The following CUX2 variants were observed in gnomAD, a reference collection of about 807,000 sequenced individuals.
The protein encoded by CUX2 is cut like homeobox 2.
CUX2 carries 40 observed loss-of-function variants against 144.8 expected under a neutral mutation model. That is an observed-to-expected ratio of 0.28 (90% CI 0.21 to 0.36). The LOEUF (loss-of-function observed/expected upper bound fraction) is 0.36, where lower values mean the gene tolerates loss of function less well. Ranked by LOEUF, CUX2 falls within the 10% of genes least tolerant of loss-of-function variation. The pLI is 1.00. For missense variants in CUX2, 1,615 were observed against 1,994.0 expected, an observed-to-expected ratio of 0.81 and a Z score of 3.62; for synonymous variants, 827 against 875.6, an observed-to-expected ratio of 0.94 and a Z score of 0.98.
chr12:111,216,947 C>G (rs746972830), intron 2 of CUX2, among the ~76,000 whole-genome samples: 3 of 152,224 alleles, frequency 2.0e-5, no homozygotes, highest in Non-Finnish European at 4.4e-5. Flanking sequence ...CCCACCCTAT[C>G]TAGTCCCTCA....
intron 18 of CUX2, among the ~76,000 whole-genome samples, chr12:111,333,711 GT>G (rs377525439): frequency 0.011 from 1,621 of 152,212 alleles, 26 homozygotes; most frequent in African/African-American, 0.037. Flanking sequence ...TGGATCATTG[GT>G]TAAGATGGTA....
rs1362304689 is a variant in CUX2, at chr12:111,342,055, TG to T, written c.3659+5del. 1 of 1,609,354 alleles carries T rather than the reference TG, an allele frequency of 6.2e-7. No homozygotes were observed. The highest frequency in any genetic ancestry group is 1.7e-5 in the Admixed American group (1 of 59,684). The stretch of plus-strand genomic sequence containing the variant: ...CATCAACTGGTTCCACAACTACAGG[TG>T]GGACTATGGGGGCGTACCCACAGGC... On this transcript the variant is annotated splice_donor_region_variant and intron_variant, in intron 21 of 21. Coordinates refer to ENST00000261726, the MANE Select transcript of CUX2 (RefSeq NM_015267.4).
intron 3 of CUX2, among the ~76,000 whole-genome samples, chr12:111,254,424 CAGAATCT>C (rs1460697491): frequency 6.6e-6 from 1 of 152,198 alleles, no homozygotes; most frequent in Non-Finnish European, 1.5e-5. Flanking sequence ...GCATAGAGGG[CAGAATCT>C]GGAAGCTGGA....
In CUX2 at chr12:111,307,195, C is replaced by T. The variant is rs1433313127; in HGVS notation, c.1051-4C>T. ...AGCCTCACCATCTTTCTTTGCTCTT[C>T]TAGAAGCTGGAAGAGAAGCTCCAGG... is the stretch of plus-strand genomic sequence containing the variant. On this transcript the variant is annotated splice_region_variant and splice_polypyrimidine_tract_variant and intron_variant, in intron 11 of 21. Coordinates refer to ENST00000261726, the MANE Select transcript of CUX2 (RefSeq NM_015267.4). This position sits in a 1 kb window ranked among gnomAD's most constrained non-coding sequence, Gnocchi z 4.1. 1 of 1,614,158 alleles carries T rather than the reference C, an allele frequency of 6.2e-7. No homozygotes were observed. The highest frequency in any genetic ancestry group is 1.7e-5 in the Admixed American group (1 of 60,030).
chr12:111,212,767 T>G (rs1056234321), intron 1 of CUX2, among the ~76,000 whole-genome samples: 1 of 152,222 alleles, frequency 6.6e-6, no homozygotes, highest in Non-Finnish European at 1.5e-5. Flanking sequence ...TACAAAGAAA[T>G]CCATAGGTCA....
chr12:111,070,527 C>G (rs1871218777), intron 1 of CUX2, among the ~76,000 whole-genome samples: 1 of 151,760 alleles, frequency 6.6e-6, no homozygotes, highest in Non-Finnish European at 1.5e-5. Flanking sequence ...CCTCTCTGCC[C>G]CAATATGTGC....
At chr12:111,062,669 T>G (rs1870832446) in intron 1 of CUX2, among the ~76,000 whole-genome samples, 1 of 152,140 alleles carries the variant, frequency 6.6e-6, no homozygotes, top group South Asian at 2.1e-4. Flanking sequence ...ATTAATCAAA[T>G]AATCACATAT....
chr12:111,189,502 A>T (rs1267362649), intron 1 of CUX2, among the ~76,000 whole-genome samples: 3 of 152,168 alleles, frequency 2.0e-5, no homozygotes, highest in Middle Eastern at 6.4e-3. Flanking sequence ...AGATTTATCA[A>T]TATTGTTTGT....
chr12:111,083,212 G>A (rs1022757214), intron 1 of CUX2, among the ~76,000 whole-genome samples: 11 of 152,096 alleles, frequency 7.2e-5, no homozygotes, highest in Admixed American at 4.6e-4. Context: ...GATGAGCAGG[G>A]TGACCAGCCA....
intron 3 of CUX2, among the ~76,000 whole-genome samples, chr12:111,250,184 A>T (rs1202604288): frequency 6.6e-6 from 1 of 152,190 alleles, no homozygotes; most frequent in East Asian, 1.9e-4. Context: ...AGGTGACAGA[A>T]GGGACATTTT....
intron 1 of CUX2, among the ~76,000 whole-genome samples, chr12:111,164,069 C>T (rs1877962258): frequency 6.6e-6 from 1 of 152,136 alleles, no homozygotes. Flanking sequence ...ATCTCTATAG[C>T]ACTTAGAACA....
intron 1 of CUX2, among the ~76,000 whole-genome samples, chr12:111,213,386 G>A (rs1484708212): frequency 6.6e-6 from 1 of 152,136 alleles, no homozygotes; most frequent in Non-Finnish European, 1.5e-5. Flanking sequence ...ATACATGCAC[G>A]ACCAGCAGAC....
In CUX2 at chr12:111,322,346, G is replaced by A. The variant is rs1887578083; in HGVS notation, c.2767-75G>A. The A allele has an allele frequency of 1.8e-6, 2 of 1,090,326 alleles. No homozygotes were observed. The highest frequency in any genetic ancestry group is 3.1e-5 in the Admixed American group (1 of 32,168). The allele number at this position is 1,090,326 out of a possible 1,614,324, so 67.5% of individuals were successfully genotyped here. A position where few individuals can be genotyped will look rare whatever the true frequency, so the allele number is the denominator to read the frequency against. On this transcript the variant is annotated intron_variant, in intron 17 of 21. Coordinates refer to ENST00000261726, the MANE Select transcript of CUX2 (RefSeq NM_015267.4). This position sits in a 1 kb window ranked among gnomAD's most constrained non-coding sequence, Gnocchi z 4.2. ...CAAAAAAAAAAAAAAAAAAAAAAAG[G>A]TTGGGGAGGAGAGTGAGGGCCAGGC... is the stretch of plus-strand genomic sequence containing the variant.
chr12:111,190,308 C>T lies in CUX2; in HGVS notation c.64-23892C>T, dbSNP rs1879798801. ...TCTTTTTAATGCAACAATTACTGCT[C>T]AGGACTCGGGAGTAGGGTGCAGAGG... On this transcript the variant is annotated intron_variant, in intron 1 of 21. Coordinates refer to ENST00000261726, the MANE Select transcript of CUX2 (RefSeq NM_015267.4). The surrounding 1 kb of genome is among the most constrained non-coding windows in gnomAD (Gnocchi z 4.0). 6.6e-6 allele frequency among the ~76,000 whole-genome samples: 1 copy of T among 152,182 alleles called. No homozygotes were observed. Among genetic ancestry groups the T allele is most frequent in the Admixed American group, 6.5e-5 (1 of 15,278 alleles).
At chr12:111,115,346 C>T (rs562481635) in intron 1 of CUX2, among the ~76,000 whole-genome samples, 7 of 130,458 alleles carry the variant, frequency 5.4e-5, no homozygotes, top group Admixed American at 9.6e-5. Flanking sequence ...AGTGCAGTGG[C>T]GTGATCTTGG....
rs545995038 is a variant in CUX2, at chr12:111,251,492, C to T, written c.223-12269C>T. 9.0e-4 allele frequency among the ~76,000 whole-genome samples: 137 copies of T among 152,246 alleles called. 1 individual carries two copies. The highest frequency in any genetic ancestry group is 3.1e-3 in the African/African-American group (130 of 41,538). Reference sequence around the variant, plus strand: ...ACACTGTTGCTAATAGCAGGCCTGCCAGCCATTGCTTGTGGGACATTTCAT... The same window carrying T: ...ACACTGTTGCTAATAGCAGGCCTGCTAGCCATTGCTTGTGGGACATTTCAT... On this transcript the variant is annotated intron_variant, in intron 3 of 21. Coordinates refer to ENST00000261726, the MANE Select transcript of CUX2 (RefSeq NM_015267.4).
chr12:111,220,932 T>G, intron 3 of CUX2, among the ~76,000 whole-genome samples: 1 of 114,598 alleles, frequency 8.7e-6, no homozygotes, highest in African/African-American at 3.8e-5. Context: ...CGAGACCTGG[T>G]CTCTTAAAAA....
chr12:111,238,837 G>A (rs796563149), intron 3 of CUX2, among the ~76,000 whole-genome samples: 7 of 152,140 alleles, frequency 4.6e-5, no homozygotes, highest in African/African-American at 1.7e-4. Flanking sequence ...TTTAGGTCAG[G>A]CGTTTGCAAC....
intron 1 of CUX2, among the ~76,000 whole-genome samples, chr12:111,097,863 C>T (rs1257386021): frequency 6.6e-6 from 1 of 152,134 alleles, no homozygotes; most frequent in East Asian, 1.9e-4. Flanking sequence ...GCGTGTGAGT[C>T]GTTTTGCTGG....
Sources: allele counts gnomAD v4.1 joint callset (sites outside exome capture counted in the v4.1 genomes callset), GRCh38; gene constraint gnomAD v4.1.1; non-coding constraint Gnocchi (gnomAD v3.1); transcripts MANE v1.5; gene names NCBI Gene and HGNC (gene_info 2026-07-23, HGNC 2026-07-21).